The following ZBTB32 variants were observed in gnomAD, a reference collection of about 807,000 sequenced individuals.
ZBTB32 encodes the protein zinc finger and BTB domain containing 32, also known as zinc finger and BTB domain-containing protein 32.
A neutral mutation model predicts 45.3 loss-of-function variants in ZBTB32; 28 were observed. The observed-to-expected ratio is 0.62, with a 90% CI of 0.46 to 0.85. The LOEUF (loss-of-function observed/expected upper bound fraction) is 0.85. Among genes scored for constraint, ZBTB32 ranks in the 40% least tolerant of loss-of-function variants. The pLI, the probability that ZBTB32 is intolerant of heterozygous loss-of-function variation, is 0.00. For synonymous variants in ZBTB32, 283 were observed against 255.7 expected, an observed-to-expected ratio of 1.11 and a Z score of -1.02; for missense variants, 587 against 624.4, an observed-to-expected ratio of 0.94 and a Z score of 0.64.
intron 1 of ZBTB32, among the ~76,000 whole-genome samples, chr19:35,708,640 G>C (rs1410524337): frequency 6.6e-6 from 1 of 152,126 alleles, no homozygotes. Context: ...CACAAAGTGT[G>C]TGCTATGAAG....
In ZBTB32 at chr19:35,714,804, T is replaced by C. The variant is rs769871793; in HGVS notation, c.178T>C (p.Trp60Arg). 68 of 1,613,906 alleles carry C rather than the reference T, an allele frequency of 4.2e-5. No individual in the cohort carries two copies. The highest frequency in any genetic ancestry group is 5.5e-5 in the Non-Finnish European group (65 of 1,179,980). The change falls in exon 3 of 7, where the codon TGG (tryptophan) becomes CGG (arginine). Residue 60 changes from tryptophan to arginine, a missense_variant. Coordinates refer to ENST00000392197, the MANE Select transcript of ZBTB32 (RefSeq NM_014383.3). ...CCAGCAGCTGGGCCGCAGGGGCCAG[T>C]GGGCTCTGGGAGAAGGCATCAGCCC... The part of the protein sequence containing the change: ...VSQQLGRRGQ[W>R]ALGEGISPST...
chr19:35,714,529 AATGAG>A lies in ZBTB32; in HGVS notation c.-89_-85del. 2 of 1,330,146 alleles carry A rather than the reference AATGAG, an allele frequency of 1.5e-6. No individual in the cohort carries two copies. The highest frequency in any genetic ancestry group is 2.6e-5 in the Admixed American group (1 of 38,282). The allele number at this position is 1,330,146 out of a possible 1,614,324, so 82.4% of individuals were successfully genotyped here. A position where few individuals can be genotyped will look rare whatever the true frequency, so the allele number is the denominator to read the frequency against. On this transcript the variant is annotated 5_prime_UTR_variant, in exon 3 of 7. The change abolishes an upstream ATG in the 5' untranslated region. Transcript: ENST00000392197. Reference sequence around the variant, plus strand: ...TCTCCCCTCACATCCACAGGCTTGAAATGAGATGAGATGTTCCTCCCTCCCCTTTC... The same window carrying A: ...TCTCCCCTCACATCCACAGGCTTGAAATGAGATGTTCCTCCCTCCCCTTTC...
intron 1 of ZBTB32, among the ~76,000 whole-genome samples, chr19:35,711,158 G>C (rs1968682500): frequency 6.6e-6 from 1 of 152,150 alleles, no homozygotes; most frequent in Admixed American, 6.5e-5. Flanking sequence ...CGGGGGAGCT[G>C]AGTCACAAGC....
chr19:35,716,820 G>A lies in ZBTB32; in HGVS notation c.*68G>A, dbSNP rs1466578087. ...CGAAAAGCGGGCCGGCTCGGCTTCT[G>A]ACCTGGCACCGCTGCTACGGCGGCC... On this transcript the variant is annotated 3_prime_UTR_variant, in exon 7 of 7. Transcript: ENST00000392197. 1.3e-6 allele frequency: 2 copies of A among 1,528,620 alleles called. No homozygotes were observed. Among genetic ancestry groups the A allele is most frequent in the African/African-American group, 2.7e-5 (2 of 73,232 alleles). 94.7% of individuals were successfully genotyped at this position (1,528,620 alleles called of 1,614,324 possible). A position where few individuals can be genotyped will look rare whatever the true frequency, so the allele number is the denominator to read the frequency against.
At chr19:35,716,381 G>T (rs1326747271) in intron 6 of ZBTB32, 84 bp downstream of exon 6, 1 of 1,593,894 alleles carries the variant, frequency 6.3e-7, no homozygotes, top group Non-Finnish European at 8.6e-7. Context: ...CGGTTCCCGC[G>T]CAATCCCCTA....
Position 35,715,288 on chromosome 19 carries a change from G to A in ZBTB32, c.662G>A (p.Gly221Asp), listed in dbSNP as rs775007400. The A allele has an allele frequency of 1.3e-6, 2 of 1,582,646 alleles. No homozygotes were observed. Among genetic ancestry groups the A allele is most frequent in the Middle Eastern group, 1.7e-4 (1 of 5,894 alleles). Residue 221 changes from glycine (G) to aspartate (D), a missense_variant, in exon 3 of 7, where the codon GGC (glycine) becomes GAC (aspartate). Coordinates refer to ENST00000392197, the MANE Select transcript of ZBTB32 (RefSeq NM_014383.3). The stretch of plus-strand genomic sequence containing the variant: ...ACGTGGTTGAGGGAAAATCCAGGGG[G>A]CTCTGAGGAAAGTCTGCGCAAGCTC... ...VLTWLRENPGGSEESLRKLPG... is the reference protein window; with the variant it reads ...VLTWLRENPGDSEESLRKLPG...
chr19:35,714,413 TG>T (rs1414127863), intron 2 of ZBTB32, 109 bp from the exon 3 acceptor site: 3 of 464,222 alleles, frequency 6.5e-6, no homozygotes, highest in Non-Finnish European at 1.1e-5. Context: ...CTACCTGCTA[TG>T]ATTCTGGATA....
chr19:35,715,336 G>C lies in ZBTB32; in HGVS notation c.710G>C (p.Gly237Ala), dbSNP rs1486469354. ...CTCCCTGGCCCCCTTCCCCCAGCAG[G>C]CTCCCTGCAAACCAGCGTCACCCCT... ...RKLPGPLPPA[G>A]SLQTSVTPRP... The change falls in exon 3 of 7, where the codon GGC becomes GCC. Residue 237 changes from glycine (G) to alanine (A), a missense_variant. Transcript: ENST00000392197. 2.5e-6 allele frequency: 4 copies of C among 1,602,988 alleles called. No homozygotes were observed. The highest frequency in any genetic ancestry group is 1.7e-5 in the Admixed American group (1 of 57,612).
chr19:35,706,345 T>C (rs1460675636), intron 1 of ZBTB32, among the ~76,000 whole-genome samples: 1 of 151,936 alleles, frequency 6.6e-6, no homozygotes, highest in Admixed American at 6.6e-5. Context: ...AGGCTGTAGG[T>C]GCGGGGCAGG....
At chr19:35,713,812 C>G (rs1968771594) in intron 2 of ZBTB32, among the ~76,000 whole-genome samples, 1 of 152,244 alleles carries the variant, frequency 6.6e-6, no homozygotes, top group Non-Finnish European at 1.5e-5. Context: ...AACAGCCTCC[C>G]TGTCTCCAGT....
chr19:35,707,786 A>T (rs1037861098), intron 1 of ZBTB32, among the ~76,000 whole-genome samples: 1 of 152,066 alleles, frequency 6.6e-6, no homozygotes, highest in Non-Finnish European at 1.5e-5. Context: ...GTTTGAGACC[A>T]GCCTGGCCAA....
chr19:35,705,900 T>C (rs540095915), intron 1 of ZBTB32, among the ~76,000 whole-genome samples: 1,562 of 106,112 alleles, frequency 0.015, 17 homozygotes, highest in Non-Finnish European at 0.02. Context: ...AACAGAGCAA[T>C]GCTCTGTCTC....
intron 1 of ZBTB32, among the ~76,000 whole-genome samples, chr19:35,708,094 G>A (rs932150970): frequency 6.6e-6 from 1 of 152,178 alleles, no homozygotes; most frequent in South Asian, 2.1e-4. Flanking sequence ...TGGGGCCTGG[G>A]CAAGATGACA....
intron 1 of ZBTB32, among the ~76,000 whole-genome samples, chr19:35,710,161 G>C (rs1968650158): frequency 2.0e-5 from 3 of 151,850 alleles, no homozygotes; most frequent in African/African-American, 4.8e-5. Context: ...AGTGAGCCAA[G>C]ATAGCGCCAT....
rs1968803925 is a variant in ZBTB32, at chr19:35,714,699, CGGCCAGCACTCTGTGATACTCTGAT to C, written c.74_98del (p.Arg25ProfsTer3). ...GCTGGTACAGCTAGCAGCCAGGCTC[CGGCCAGCACTCTGTGATACTCTGAT>C]CACCGTAGGGAGCCAGGAGTTCCCC... On this transcript the variant is annotated frameshift_variant, in exon 3 of 7. Coordinates refer to ENST00000392197, the MANE Select transcript of ZBTB32 (RefSeq NM_014383.3). LOFTEE classifies it high-confidence loss of function. The C allele has an allele frequency of 6.2e-7, 1 of 1,608,776 alleles. No individual in the cohort carries two copies. The highest frequency in any genetic ancestry group is 8.5e-7 in the Non-Finnish European group (1 of 1,176,450).
At position 35,717,034 on chromosome 19, in the gene ZBTB32, C is replaced by T; in HGVS notation, c.*282C>T. On this transcript the variant is annotated 3_prime_UTR_variant, in exon 7 of 7. Transcript: ENST00000392197. The stretch of plus-strand genomic sequence containing the variant: ...TAATAAAGAGTTTCCTGTGCCCTCC[C>T]TTCAGGACTAGAAAGCCGAGTTTAG... 1.0e-5 allele frequency: 5 copies of T among 477,594 alleles called. No homozygotes were observed. Among genetic ancestry groups the T allele is most frequent in the South Asian group, 6.1e-5 (2 of 32,918 alleles). 29.6% of individuals were successfully genotyped at this position (477,594 alleles called of 1,614,324 possible). A position where few individuals can be genotyped will look rare whatever the true frequency, so the allele number is the denominator to read the frequency against.
Position 35,715,257 on chromosome 19 carries a change from G to C in ZBTB32, c.631G>C (p.Val211Leu), listed in dbSNP as rs202006649. Residue 211 changes from valine to leucine, a missense_variant, in exon 3 of 7, where the codon GTG becomes CTG. Coordinates refer to ENST00000392197, the MANE Select transcript of ZBTB32 (RefSeq NM_014383.3). ...GQRGADGKHG[V>L]LTWLRENPGG... The stretch of plus-strand genomic sequence containing the variant: ...AAGGGGAGCAGATGGGAAGCATGGA[G>C]TGCTCACGTGGTTGAGGGAAAATCC... 1 of 1,590,742 alleles carries C rather than the reference G, an allele frequency of 6.3e-7. No individual in the cohort carries two copies. The highest frequency in any genetic ancestry group is 8.5e-7 in the Non-Finnish European group (1 of 1,170,240).
chr19:35,708,955 A>G (rs920870745), intron 1 of ZBTB32, among the ~76,000 whole-genome samples: 1 of 151,922 alleles, frequency 6.6e-6, no homozygotes, highest in African/African-American at 2.4e-5. Flanking sequence ...AGTAGCTGGA[A>G]TTACAGGCAT....
intron 2 of ZBTB32, among the ~76,000 whole-genome samples, chr19:35,713,929 T>A (rs23595): frequency 6.6e-6 from 1 of 152,120 alleles, no homozygotes; most frequent in African/African-American, 2.4e-5. Flanking sequence ...TGCTCTCCTC[T>A]TTCTCTGGAT....
Sources: gnomAD v4.1 joint callset for allele counts (sites outside exome capture counted in the v4.1 genomes callset) on GRCh38, gnomAD v4.1.1 for gene constraint, MANE v1.5 for transcripts, NCBI Gene and HGNC (gene_info 2026-07-23, HGNC 2026-07-21) for gene names.